The following NKAIN2 variants were observed in gnomAD, a reference collection of about 807,000 sequenced individuals.
NKAIN2 encodes sodium/potassium transporting ATPase interacting 2, also known as sodium/potassium-transporting ATPase subunit beta-1-interacting protein 2.
A neutral mutation model predicts 32.6 loss-of-function variants in NKAIN2; 14 were observed. The ratio of observed to expected loss-of-function variants is 0.43; its 90% CI spans 0.28 to 0.67. The LOEUF (loss-of-function observed/expected upper bound fraction) is 0.67, where lower values mean the gene tolerates loss of function less well. NKAIN2 is among the 30% of genes least tolerant of loss of function. The pLI, the probability that NKAIN2 is intolerant of heterozygous loss-of-function variation, is 0.17. For synonymous variants in NKAIN2, 80 were observed against 87.2 expected, an observed-to-expected ratio of 0.92 and a Z score of 0.46; for missense variants, 198 against 258.3, an observed-to-expected ratio of 0.77 and a Z score of 1.60.
chr6:123,911,201 G>A (rs1775160852), intron 1 of NKAIN2, among the ~76,000 whole-genome samples: 1 of 152,036 alleles, frequency 6.6e-6, no homozygotes, highest in Non-Finnish European at 1.5e-5. Flanking sequence ...TTCTGTCTCA[G>A]TCAGTTGTGT....
At chr6:124,041,659 T>C (rs1196169626) in intron 1 of NKAIN2, among the ~76,000 whole-genome samples, 2 of 152,068 alleles carry the variant, frequency 1.3e-5, no homozygotes, top group Non-Finnish European at 2.9e-5. Context: ...TAAAATAACA[T>C]TTTTGTTGCT....
intron 3 of NKAIN2, among the ~76,000 whole-genome samples, chr6:124,445,595 G>A (rs1056531508): frequency 6.6e-6 from 1 of 151,940 alleles, no homozygotes; most frequent in African/African-American, 2.4e-5. Context: ...GTTGGATCAG[G>A]TTTCAAAATG....
At chr6:123,953,375 T>A (rs938523829) in intron 1 of NKAIN2, among the ~76,000 whole-genome samples, 2 of 152,152 alleles carry the variant, frequency 1.3e-5, no homozygotes, top group Non-Finnish European at 2.9e-5. Context: ...CTCGCTCAGA[T>A]TTCAGTAGTT....
At chr6:124,471,686 A>G (rs1053756866) in intron 3 of NKAIN2, among the ~76,000 whole-genome samples, 17 of 152,274 alleles carry the variant, frequency 1.1e-4, no homozygotes, top group African/African-American at 3.4e-4. Flanking sequence ...ACTTTTCTAT[A>G]CAACATAATC....
At chr6:124,280,922 T>A (rs1210395873) in intron 1 of NKAIN2, among the ~76,000 whole-genome samples, 5 of 152,184 alleles carry the variant, frequency 3.3e-5, no homozygotes, top group African/African-American at 9.7e-5. Flanking sequence ...ACAGATTAGC[T>A]TGTTCAGTCT....
chr6:123,874,626 A>G lies in NKAIN2; in HGVS notation c.54+70372A>G, dbSNP rs1447094681. ...ATTTTAAAATATAATTCACTTCTCT[A>G]GAAATATATATTTTTCAGAATATTG... On this transcript the variant is annotated intron_variant, in intron 1 of 6. Coordinates refer to ENST00000368417, the MANE Select transcript of NKAIN2 (RefSeq NM_001040214.3). 7.9e-5 allele frequency among the ~76,000 whole-genome samples: 12 copies of G among 152,288 alleles called. No homozygotes were observed. In the East Asian group the frequency reaches 2.3e-3, roughly 29 times the overall value.
At chr6:124,424,770 T>C (rs1225252445) in intron 3 of NKAIN2, among the ~76,000 whole-genome samples, 3 of 152,226 alleles carry the variant, frequency 2.0e-5, no homozygotes, top group African/African-American at 7.2e-5. Flanking sequence ...TTTTTAAGGC[T>C]GATTAACACT....
intron 3 of NKAIN2, among the ~76,000 whole-genome samples, chr6:124,607,334 C>A (rs1782538472): frequency 6.6e-6 from 1 of 152,058 alleles, no homozygotes; most frequent in South Asian, 2.1e-4. Flanking sequence ...AGAAGAGGTT[C>A]AGAGAGCTCC....
chr6:124,428,049 A>G (rs1775057429), intron 3 of NKAIN2, among the ~76,000 whole-genome samples: 1 of 152,126 alleles, frequency 6.6e-6, no homozygotes, highest in Non-Finnish European at 1.5e-5. Context: ...TCTGGGTTCT[A>G]TGTCACTATA....
chr6:124,442,764 T>A (rs1449997875), intron 3 of NKAIN2, among the ~76,000 whole-genome samples: 1 of 152,144 alleles, frequency 6.6e-6, no homozygotes, highest in Non-Finnish European at 1.5e-5. Flanking sequence ...GTTGGCATGG[T>A]CTTGCAGATA....
chr6:124,094,838 A>T (rs1162269538), intron 1 of NKAIN2, among the ~76,000 whole-genome samples: 1 of 152,140 alleles, frequency 6.6e-6, no homozygotes, highest in African/African-American at 2.4e-5. Context: ...ATTATCTGAT[A>T]ATTATTTCAT....
chr6:124,355,452 T>C (rs1313823885), intron 3 of NKAIN2, 105 bp downstream of exon 3: 2 of 665,294 alleles, frequency 3.0e-6, no homozygotes, highest in Admixed American at 2.6e-5. Flanking sequence ...TGCACCTCAA[T>C]GAAAGTAAAT....
intron 1 of NKAIN2, among the ~76,000 whole-genome samples, chr6:124,191,228 C>A (rs1157157682): frequency 6.6e-6 from 1 of 152,136 alleles, no homozygotes; most frequent in Non-Finnish European, 1.5e-5. Flanking sequence ...CAAATTTAAT[C>A]TTCCATTTCA....
chr6:124,804,936 G>A (rs1212685374), intron 5 of NKAIN2, among the ~76,000 whole-genome samples: 6 of 152,218 alleles, frequency 3.9e-5, no homozygotes, highest in African/African-American at 7.2e-5. Context: ...CAGCGAGGCT[G>A]GGGGAAGGGC....
intron 3 of NKAIN2, among the ~76,000 whole-genome samples, chr6:124,394,505 A>AGATAGATAGATT (rs1554200079): frequency 6.9e-6 from 1 of 144,528 alleles, no homozygotes; most frequent in African/African-American, 2.5e-5. Flanking sequence ...ATAGATAGAT[A>AGATAGATAGATT]GATTAGATAG....
intron 3 of NKAIN2, among the ~76,000 whole-genome samples, chr6:124,595,162 G>A (rs2114968721): frequency 1.3e-5 from 2 of 152,316 alleles, no homozygotes; most frequent in South Asian, 4.1e-4. Context: ...CTGGTGGCTT[G>A]TTTTCACAAG....
At position 124,287,117 on chromosome 6, in the gene NKAIN2, CTA is replaced by C. The variant is rs573505828; in HGVS notation, c.192+3977_192+3978del. Among the ~76,000 whole-genome samples, 4 of 152,280 alleles carry C rather than the reference CTA, an allele frequency of 2.6e-5. No homozygotes were observed. The South Asian group carries it at 8.3e-4, about 32-fold the overall frequency. On this transcript the variant is annotated intron_variant, in intron 2 of 6. Transcript: ENST00000368417. ...AGCTTCCTTTTGATACTTAGTATGT[CTA>C]TCTTATTACAGTTAACTCTCTTTCA...
chr6:123,989,305 A>G (rs1779314238), intron 1 of NKAIN2, among the ~76,000 whole-genome samples: 1 of 152,304 alleles, frequency 6.6e-6, no homozygotes, highest in Non-Finnish European at 1.5e-5. Context: ...TTGTCAGCCA[A>G]TATATGATTA....
intron 3 of NKAIN2, among the ~76,000 whole-genome samples, chr6:124,425,666 A>T (rs1774951023): frequency 6.6e-6 from 1 of 152,146 alleles, no homozygotes; most frequent in Non-Finnish European, 1.5e-5. Flanking sequence ...TCTCCAAAGA[A>T]GACGTACCTA....
Sources: allele counts gnomAD v4.1 joint callset (sites outside exome capture counted in the v4.1 genomes callset), GRCh38; gene constraint gnomAD v4.1.1; transcripts MANE v1.5; gene names NCBI Gene and HGNC (gene_info 2026-07-23, HGNC 2026-07-21).